Variants in SF3B3 observed in about 807,000 individuals in gnomAD.
The protein encoded by SF3B3 is splicing factor 3b subunit 3, also known as SAP 130.
SF3B3 carries 33 observed loss-of-function variants against 139.2 expected under a neutral mutation model. That is an observed-to-expected ratio of 0.24 (90% CI 0.18 to 0.32). The LOEUF is 0.32. Ranked by LOEUF, SF3B3 falls within the 10% of genes least tolerant of loss-of-function variation. The probability of loss-of-function intolerance (pLI) is 1.00; values close to 1 mark genes in which losing one functional copy is unlikely to be tolerated. For synonymous variants in SF3B3, 596 were observed against 563.6 expected, an observed-to-expected ratio of 1.06 and a Z score of -0.81; for missense variants, 818 against 1,509.4, an observed-to-expected ratio of 0.54 and a Z score of 7.59.
rs764715030 is a variant in SF3B3, at chr16:70,568,261, C to T, written c.2953-22C>T. On this transcript the variant is annotated intron_variant, in intron 21 of 25. Coordinates refer to ENST00000302516, the MANE Select transcript of SF3B3 (RefSeq NM_012426.5). ...AACCCCAAGATTACACCCACCATCA[C>T]TATTGTCTTTGTTTTTCCCAGCATA... The T allele has an allele frequency of 1.6e-5, 25 of 1,570,284 alleles. No individual in the cohort carries two copies. The East Asian group carries it at 5.4e-4, about 34-fold the overall frequency.
chr16:70,565,325 GT>G, intron 19 of SF3B3, 42 bp from the exon 20 acceptor site: 1 of 1,613,590 alleles, frequency 6.2e-7, no homozygotes, highest in East Asian at 2.2e-5. Context: ...AGCTCTCTGA[GT>G]TTTGACTAAG....
At position 70,556,629 on chromosome 16, in the gene SF3B3, AC is replaced by A. The variant is rs2050381761; in HGVS notation, c.1867-256del. 5.0e-6 allele frequency: 3 copies of A among 595,936 alleles called. No individual in the cohort carries two copies. In the South Asian group the frequency reaches 6.2e-5, roughly 12 times the overall value. 36.9% of individuals were successfully genotyped at this position (595,936 alleles called of 1,614,324 possible). Reference sequence around the variant, plus strand: ...TTGACTTGCTGCAGGACCCTAGGTGACTTTTCAGGAGGTGTGCTTTGCTTAA... The same window carrying A: ...TTGACTTGCTGCAGGACCCTAGGTGATTTTCAGGAGGTGTGCTTTGCTTAA... On this transcript the variant is annotated intron_variant, in intron 14 of 25. Transcript: ENST00000302516.
intron 15 of SF3B3, 58 bp from the exon 16 acceptor site, chr16:70,560,411 T>C: frequency 6.3e-7 from 1 of 1,583,966 alleles, no homozygotes; most frequent in Non-Finnish European, 8.6e-7. Context: ...GGAGAGGTTT[T>C]CCCATCATAG....
At chr16:70,562,564 T>A (rs1416842717) in intron 17 of SF3B3, among the ~76,000 whole-genome samples, 1 of 152,222 alleles carries the variant, frequency 6.6e-6, no homozygotes, top group African/African-American at 2.4e-5. Context: ...AATATTTTTT[T>A]AATCTCTACC....
chr16:70,530,382 C>T (rs916916696), intron 3 of SF3B3, among the ~76,000 whole-genome samples: 4 of 149,208 alleles, frequency 2.7e-5, no homozygotes, highest in African/African-American at 5.0e-5. Context: ...TGCAGTGGTG[C>T]GATCTCAGCT....
At chr16:70,564,499 T>C (rs2050457554) in intron 18 of SF3B3, among the ~76,000 whole-genome samples, 1 of 152,250 alleles carries the variant, frequency 6.6e-6, no homozygotes, top group African/African-American at 2.4e-5. Context: ...AACCCAGGAC[T>C]ATACTCTGAC....
At chr16:70,530,676 C>CT in intron 3 of SF3B3, 69 bp from the exon 4 acceptor site, 1 of 1,266,358 alleles carries the variant, frequency 7.9e-7, no homozygotes, top group Non-Finnish European at 1.1e-6. Flanking sequence ...TGATGTGACT[C>CT]TAGCTGTTCT....
chr16:70,554,299 G>A (rs1159074271), intron 11 of SF3B3, 147 bp from the exon 12 acceptor site: 1 of 673,254 alleles, frequency 1.5e-6, no homozygotes, highest in African/African-American at 1.8e-5. Flanking sequence ...ATTTTGCTCT[G>A]TGTGCATGTG....
chr16:70,564,493 C>T (rs556720634), intron 18 of SF3B3, among the ~76,000 whole-genome samples: 52 of 152,310 alleles, frequency 3.4e-4, no homozygotes, highest in African/African-American at 1.2e-3. Context: ...TCTTGTAACC[C>T]AGGACTATAC....
intron 9 of SF3B3, among the ~76,000 whole-genome samples, chr16:70,542,704 ATTTCT>A (rs1277744590): frequency 6.7e-6 from 1 of 149,712 alleles, no homozygotes; most frequent in East Asian, 1.9e-4. Context: ...AATGTGACTA[ATTTCT>A]TTTTTTTTCT....
intron 11 of SF3B3, 91 bp downstream of exon 11, chr16:70,548,533 C>T: frequency 8.9e-7 from 1 of 1,127,034 alleles, no homozygotes; most frequent in Middle Eastern, 2.6e-4. Flanking sequence ...ACTTCTGTAT[C>T]ATTTCATTTA....
intron 6 of SF3B3, among the ~76,000 whole-genome samples, chr16:70,537,008 A>G (rs1437808983): frequency 4.0e-5 from 6 of 150,470 alleles, no homozygotes; most frequent in African/African-American, 1.5e-4. Context: ...ATGGGGTCTC[A>G]CCATATTGGC....
intron 22 of SF3B3, 104 bp from the exon 23 acceptor site, chr16:70,568,939 T>C (rs984936836): frequency 1.4e-6 from 1 of 724,678 alleles, no homozygotes; most frequent in Non-Finnish European, 2.3e-6. Context: ...GTCTAGGCAG[T>C]GCCCCTGTGG....
At chr16:70,546,137 AT>A (rs2050266246) in intron 10 of SF3B3, among the ~76,000 whole-genome samples, 1 of 151,874 alleles carries the variant, frequency 6.6e-6, no homozygotes, top group African/African-American at 2.4e-5. Context: ...TGGCTAATTT[AT>A]TTATTTATTT....
chr16:70,559,377 G>T (rs1387546150), intron 15 of SF3B3, among the ~76,000 whole-genome samples: 2 of 152,058 alleles, frequency 1.3e-5, no homozygotes, highest in Non-Finnish European at 2.9e-5. Context: ...AGTAAAGTGG[G>T]TTTTTTGCTG....
At chr16:70,556,058 G>A (rs2050377273) in intron 13 of SF3B3, 121 bp from the exon 14 acceptor site, 1 of 945,250 alleles carries the variant, frequency 1.1e-6, no homozygotes. Flanking sequence ...AGGAGTGAGA[G>A]GAAGCAGAAC....
intron 15 of SF3B3, among the ~76,000 whole-genome samples, chr16:70,560,128 G>A (rs1210527231): frequency 6.6e-6 from 1 of 152,158 alleles, no homozygotes; most frequent in East Asian, 1.9e-4. Flanking sequence ...AAGAGGAAAT[G>A]CTGTTTAGGG....
chr16:70,555,628 C>A (rs142199025), intron 13 of SF3B3, among the ~76,000 whole-genome samples: 16 of 152,244 alleles, frequency 1.1e-4, no homozygotes, highest in Non-Finnish European at 1.9e-4. Flanking sequence ...ACTTGCTCCT[C>A]CTGCATTTCA....
At chr16:70,533,507 A>C (rs530915637) in intron 5 of SF3B3, among the ~76,000 whole-genome samples, 1 of 152,374 alleles carries the variant, frequency 6.6e-6, no homozygotes, top group African/African-American at 2.4e-5. Flanking sequence ...CTAACATTCC[A>C]GCAAATCAGA....
Sources: allele counts gnomAD v4.1 joint callset (sites outside exome capture counted in the v4.1 genomes callset), GRCh38; gene constraint gnomAD v4.1.1; transcripts MANE v1.5; gene names NCBI Gene and HGNC (gene_info 2026-07-23, HGNC 2026-07-21).